SNX1: variants seen among roughly 807,000 people sequenced by gnomAD.
SNX1 encodes the protein sorting nexin 1.
SNX1 carries 36 observed loss-of-function variants against 71.8 expected under a neutral mutation model. That is an observed-to-expected ratio of 0.50 (90% confidence interval 0.38 to 0.66). SNX1 has a LOEUF of 0.66. SNX1 is among the 30% of genes least tolerant of loss of function. The pLI is 0.00. For missense variants in SNX1, 612 were observed against 646.7 expected (o/e 0.95, Z 0.58); for synonymous variants, 254 against 240.7 (o/e 1.06, Z -0.51).
intron 11 of SNX1, chr15:64,132,203 C>G (rs2081314332): frequency 5.4e-6 from 2 of 370,324 alleles, no homozygotes; most frequent in South Asian, 5.1e-5. Context: ...TTTCTTGAAG[C>G]AAGGTTGCTT....
chr15:64,125,161 A>G (rs146499646), intron 5 of SNX1, among the ~76,000 whole-genome samples: 11 of 152,222 alleles, frequency 7.2e-5, no homozygotes, highest in Admixed American at 7.2e-4. Context: ...AGCAGCTAAT[A>G]CCCTTAAATA....
intron 1 of SNX1, among the ~76,000 whole-genome samples, chr15:64,111,985 A>T (rs555970215): frequency 9.9e-5 from 15 of 152,242 alleles, no homozygotes; most frequent in Non-Finnish European, 1.8e-4. Context: ...ATTAGTTTTT[A>T]TTCTCCTAGC....
intron 3 of SNX1, 96 bp from the exon 4 acceptor site, chr15:64,118,692 C>A (rs920100195): frequency 1.1e-6 from 1 of 897,530 alleles, no homozygotes; most frequent in Admixed American, 2.1e-5. Flanking sequence ...AAGGATACAT[C>A]TTGATTTTAT....
chr15:64,136,690 A>G (rs992265657), intron 13 of SNX1, among the ~76,000 whole-genome samples, 171 bp from the exon 14 acceptor site: 1 of 152,064 alleles, frequency 6.6e-6, no homozygotes, highest in Non-Finnish European at 1.5e-5. Context: ...CTGCCCTCCA[A>G]CAAAGCCTTT....
At chr15:64,110,237 A>T (rs771307691) in intron 1 of SNX1, among the ~76,000 whole-genome samples, 2 of 152,156 alleles carry the variant, frequency 1.3e-5, no homozygotes, top group African/African-American at 4.8e-5. Context: ...AAAGATTAGG[A>T]TAGTAAGTAT....
chr15:64,103,188 G>A (rs911118087), intron 1 of SNX1, among the ~76,000 whole-genome samples: 23 of 152,250 alleles, frequency 1.5e-4, no homozygotes, highest in East Asian at 1.2e-3. Context: ...TATATGCTTT[G>A]ATATATTTGC....
At chr15:64,124,147 C>CATATGTATATAT (rs1222104314) in intron 5 of SNX1, among the ~76,000 whole-genome samples, 4 of 105,434 alleles carry the variant, frequency 3.8e-5, no homozygotes, top group Non-Finnish European at 6.6e-5. Flanking sequence ...GAAATCTTTA[C>CATATGTATATAT]ATATATATAT....
chr15:64,136,196 C>A (rs930131990), intron 12 of SNX1, 134 bp from the exon 13 acceptor site: 4 of 697,334 alleles, frequency 5.7e-6, no homozygotes, highest in Non-Finnish European at 1.0e-5. Flanking sequence ...CTCTGTGACA[C>A]CTCATCTTAC....
At position 64,112,650 on chromosome 15, in the gene SNX1, A is replaced by C; in HGVS notation, c.237A>C (p.Glu79Asp). The C allele has an allele frequency of 6.2e-7, 1 of 1,613,666 alleles. No homozygotes were observed. The highest frequency in any genetic ancestry group is 1.7e-5 in the Admixed American group (1 of 59,984). ...GCTCCAAAGAAAATGGGATCCATGA[A>C]GAACAAGACCAAGAGCCACAGGATC... ...NNGSKENGIH[E>D]EQDQEPQDLF... The change falls in exon 2 of 15, where the codon GAA becomes GAC. Residue 79 changes from glutamate (E) to aspartate (D), a missense_variant. By Grantham distance (45) the Glu-to-Asp change is conservative. Coordinates refer to ENST00000559844, the MANE Select transcript of SNX1 (RefSeq NM_003099.5).
At chr15:64,123,662 T>A (rs1445877420) in intron 5 of SNX1, 116 bp downstream of exon 5, 6 of 858,966 alleles carry the variant, frequency 7.0e-6, no homozygotes, top group African/African-American at 1.7e-5. Flanking sequence ...CATCTTCATG[T>A]TTACTCAAGA....
chr15:64,126,642 C>T (rs984459382), intron 6 of SNX1, among the ~76,000 whole-genome samples: 2 of 152,054 alleles, frequency 1.3e-5, no homozygotes, highest in Non-Finnish European at 2.9e-5. Context: ...TGCAGTGGCG[C>T]GATCTCAGCT....
chr15:64,136,836 G>T, intron 13 of SNX1, 25 bp from the exon 14 acceptor site: 1 of 1,594,058 alleles, frequency 6.3e-7, no homozygotes, highest in South Asian at 1.1e-5. Context: ...AAACTGGATG[G>T]TCAGTGTAGA....
rs770962999 is a variant in SNX1, at chr15:64,112,642, A to T, written c.229A>T (p.Ile77Phe). 1 of 1,613,702 alleles carries T rather than the reference A, an allele frequency of 6.2e-7. No individual in the cohort carries two copies. The highest frequency in any genetic ancestry group is 1.7e-5 in the Admixed American group (1 of 59,978). ...CAACAATGGCTCCAAAGAAAATGGG[A>T]TCCATGAAGAACAAGACCAAGAGCC... ...PINNGSKENG[I>F]HEEQDQEPQD... The change falls in exon 2 of 15, where the codon ATC becomes TTC. Residue 77 changes from isoleucine to phenylalanine, a missense_variant. Around this residue, in one of 2 missense-constraint regions of SNX1, gnomAD observed 316 missense variants for 284.9 expected, o/e 1.11. Coordinates refer to ENST00000559844, the MANE Select transcript of SNX1 (RefSeq NM_003099.5).
rs139224909 is a variant in SNX1 at position 64,130,308 on chromosome 15, C to T, written c.1002C>T (p.Val334=). 1.4e-5 allele frequency: 23 copies of T among 1,613,638 alleles called. No homozygotes were observed. Among genetic ancestry groups the T allele is most frequent in the Middle Eastern group, 1.6e-4 (1 of 6,062 alleles). ...RKLHAVVETL[V]NHRKELALNT... ...TGCATGCTGTTGTAGAAACTCTAGT[C>T]AACCATAGGAAAGGTAACAAGCTCT... The change falls in exon 10 of 15, where the codon GTC becomes GTT. Residue 334 remains valine (V), a synonymous_variant. Transcript: ENST00000559844.
At chr15:64,119,453 G>A (rs1243870182) in intron 4 of SNX1, among the ~76,000 whole-genome samples, 1 of 152,152 alleles carries the variant, frequency 6.6e-6, no homozygotes, top group Non-Finnish European at 1.5e-5. Flanking sequence ...CAACAGGCCA[G>A]CCATGGTGGC....
In SNX1 at chr15:64,120,002, A is replaced by T. The variant is rs1196292316; in HGVS notation, c.466+1148A>T. On this transcript the variant is annotated intron_variant, in intron 4 of 14. Coordinates refer to ENST00000559844, the MANE Select transcript of SNX1 (RefSeq NM_003099.5). ...AATTGAAGTTAGATCTTCAAAAAGC[A>T]TAACACTTAACTTTGTCTGGACTTG... Among the ~76,000 whole-genome samples, 3 of 152,320 alleles carry T rather than the reference A, an allele frequency of 2.0e-5. No homozygotes were observed. The South Asian group carries it at 6.2e-4, about 32-fold the overall frequency.
Position 64,141,048 on chromosome 15 carries a change from A to G in SNX1, c.*3430A>G, listed in dbSNP as rs142994826. The G allele has an allele frequency of 5.7e-5, 8 of 139,758 alleles. No individual in the cohort carries two copies. The highest frequency in any genetic ancestry group is 9.1e-5 in the Non-Finnish European group (6 of 66,198). The allele number at this position is 139,758 out of a possible 1,614,324, so 8.7% of individuals were successfully genotyped here. On this transcript the variant is annotated 3_prime_UTR_variant, in exon 15 of 15. Coordinates refer to ENST00000559844, the MANE Select transcript of SNX1 (RefSeq NM_003099.5). This position sits in a 1 kb window ranked among gnomAD's most constrained non-coding sequence, Gnocchi z 5.1. ...AGATGATAGATATAGATAGATAGATAGATTGATTGATTTGTAGAAACAAGA... is the reference window on the plus strand; with the variant it reads ...AGATGATAGATATAGATAGATAGATGGATTGATTGATTTGTAGAAACAAGA...
chr15:64,136,937 G>C lies in SNX1; in HGVS notation c.1518+5G>C. 6.2e-7 allele frequency: 1 copy of C among 1,613,004 alleles called. No individual in the cohort carries two copies. Among genetic ancestry groups the C allele is most frequent in the Non-Finnish European group, 8.5e-7 (1 of 1,179,070 alleles). ...CTCCTTTACTCACAGCAGCAGGTAT[G>C]TAAGTTGTGTGTGACCTTCATCCTC... On this transcript the variant is annotated splice_donor_5th_base_variant and intron_variant, in intron 14 of 14. Transcript: ENST00000559844.
At chr15:64,118,371 A>T (rs1189965367) in intron 3 of SNX1, 127 bp downstream of exon 3, 1 of 1,040,082 alleles carries the variant, frequency 9.6e-7, no homozygotes, top group Non-Finnish European at 1.4e-6. Flanking sequence ...CTTTATGGTT[A>T]ATGGACAGCC....
Sources: gnomAD v4.1 joint callset for allele counts (sites outside exome capture counted in the v4.1 genomes callset) on GRCh38, gnomAD v4.1.1 for gene constraint, gnomAD v4.1.1 regional missense constraint, Gnocchi (gnomAD v3.1) non-coding constraint, MANE v1.5 for transcripts, NCBI Gene and HGNC (gene_info 2026-07-23, HGNC 2026-07-21) for gene names.